The following ANKRD45 variants were observed in gnomAD, a reference collection of about 807,000 sequenced individuals.
The protein encoded by ANKRD45 is ankyrin repeat domain 45.
In ANKRD45, 21 loss-of-function variants were observed where a neutral mutation model predicts 28.1. The observed-to-expected ratio is 0.75, with a 90% confidence interval of 0.53 to 1.08. The LOEUF is 1.08. ANKRD45 is among the 50% of genes least tolerant of loss of function. The pLI, the probability that ANKRD45 is intolerant of heterozygous loss-of-function variation, is 0.00. For synonymous variants in ANKRD45, 86 were observed against 103.9 expected (o/e 0.83, Z 1.05); for missense variants, 261 against 308.7 (o/e 0.85, Z 1.16).
chr1:173,690,914 G>T, the ANKRD45 span, among the ~76,000 whole-genome samples: 2 of 152,044 alleles, frequency 1.3e-5, no homozygotes, highest in Non-Finnish European at 2.9e-5. Flanking sequence ...TTTGGGGTGG[G>T]GCTCAATTTC....
chr1:173,689,064 T>G, the ANKRD45 span, among the ~76,000 whole-genome samples: 1 of 152,164 alleles, frequency 6.6e-6, no homozygotes, highest in Non-Finnish European at 1.5e-5. Context: ...CTGCTGGGAC[T>G]CAATATAAAA....
At chr1:173,693,747 G>T in the ANKRD45 span, among the ~76,000 whole-genome samples, 1 of 152,176 alleles carries the variant, frequency 6.6e-6, no homozygotes, top group Non-Finnish European at 1.5e-5. Context: ...AAGAGGTTAA[G>T]TGCACCCAGT....
chr1:173,714,721 G>A, the ANKRD45 span, among the ~76,000 whole-genome samples: 1 of 152,226 alleles, frequency 6.6e-6, no homozygotes, highest in Non-Finnish European at 1.5e-5. Flanking sequence ...AAGAAAAGAG[G>A]AGGCTTCAGT....
chr1:173,691,490 T>C, the ANKRD45 span, among the ~76,000 whole-genome samples: 1 of 152,206 alleles, frequency 6.6e-6, no homozygotes, highest in African/African-American at 2.4e-5. Context: ...CAAGGCCAGG[T>C]ACTTCTGTAG....
intron 2 of ANKRD45, among the ~76,000 whole-genome samples, chr1:173,655,703 C>T (rs1291764774): frequency 6.6e-6 from 1 of 152,198 alleles, no homozygotes; most frequent in Admixed American, 6.5e-5. Context: ...TGCCCTGACC[C>T]CAGAGGTGGA....
intron 3 of ANKRD45, among the ~76,000 whole-genome samples, chr1:173,633,941 C>T (rs1404869929): frequency 6.6e-6 from 1 of 151,748 alleles, no homozygotes; most frequent in African/African-American, 2.4e-5. Context: ...AAGATTTTTT[C>T]AGTAATACCC....
chr1:173,618,110 A>G (rs1406186147), intron 5 of ANKRD45, among the ~76,000 whole-genome samples: 2 of 152,312 alleles, frequency 1.3e-5, no homozygotes, highest in East Asian at 3.9e-4. Flanking sequence ...CAGCAGCATC[A>G]ACAAAAAAGG....
intron 3 of ANKRD45, among the ~76,000 whole-genome samples, chr1:173,633,043 G>A (rs1668264886): frequency 6.6e-6 from 1 of 151,870 alleles, no homozygotes; most frequent in African/African-American, 2.4e-5. Flanking sequence ...TTGGAAAGGA[G>A]GAAGTAAAAT....
Position 173,659,170 on chromosome 1 carries a change from T to G in ANKRD45, c.249A>C (p.Ala83=). 1 of 1,614,186 alleles carries G rather than the reference T, an allele frequency of 6.2e-7. No homozygotes were observed. The highest frequency in any genetic ancestry group is 8.5e-7 in the Non-Finnish European group (1 of 1,180,014). The change falls in exon 2 of 6, where the codon GCA becomes GCC. Residue 83 remains alanine, a synonymous_variant. Coordinates refer to ENST00000333279, the MANE Select transcript of ANKRD45 (RefSeq NM_198493.3). ...EDIVGRNLLY[A]ACMAGQSDVI... ...CGTCACTTTGCCCAGCCATGCAAGCTGCATACAACAAATTTCTCCCAACGA... is the reference window on the plus strand; with the variant it reads ...CGTCACTTTGCCCAGCCATGCAAGCGGCATACAACAAATTTCTCCCAACGA...
At chr1:173,683,104 AAAC>A in the ANKRD45 span, among the ~76,000 whole-genome samples, 1 of 151,038 alleles carries the variant, frequency 6.6e-6, no homozygotes, top group African/African-American at 2.4e-5. Flanking sequence ...AAAAAGACCA[AAAC>A]AACAAAAACA....
At chr1:173,693,892 T>C in the ANKRD45 span, among the ~76,000 whole-genome samples, 1 of 152,204 alleles carries the variant, frequency 6.6e-6, no homozygotes, top group Non-Finnish European at 1.5e-5. Flanking sequence ...TAACTTTTAT[T>C]TTTAATACCA....
chr1:173,616,975 A>T (rs971801955), intron 5 of ANKRD45, among the ~76,000 whole-genome samples: 1 of 152,140 alleles, frequency 6.6e-6, no homozygotes, highest in African/African-American at 2.4e-5. Context: ...TGATTGTGCG[A>T]CCACTCACAA....
chr1:173,680,984 G>A, the ANKRD45 span, among the ~76,000 whole-genome samples: 1 of 147,178 alleles, frequency 6.8e-6, no homozygotes, highest in South Asian at 2.2e-4. Context: ...GGGAGGCGGG[G>A]TGGGGGAGAT....
At chr1:173,650,548 G>A (rs1235573019) in intron 2 of ANKRD45, among the ~76,000 whole-genome samples, 1 of 152,168 alleles carries the variant, frequency 6.6e-6, no homozygotes, top group Non-Finnish European at 1.5e-5. Flanking sequence ...TGTGAATAGT[G>A]CCGCAATAAA....
intron 5 of ANKRD45, among the ~76,000 whole-genome samples, chr1:173,619,410 C>T (rs1667605746): frequency 6.6e-6 from 1 of 151,918 alleles, no homozygotes; most frequent in Admixed American, 6.6e-5. Flanking sequence ...TGTGCAAAGA[C>T]ACACATAGGC....
chr1:173,687,757 C>T, the ANKRD45 span, among the ~76,000 whole-genome samples: 3 of 152,160 alleles, frequency 2.0e-5, no homozygotes, highest in African/African-American at 7.2e-5. Context: ...TTTGAGCAGA[C>T]CAATTATTAG....
chr1:173,631,011 C>T (rs2102333089), intron 3 of ANKRD45, among the ~76,000 whole-genome samples: 1 of 151,822 alleles, frequency 6.6e-6, no homozygotes, highest in East Asian at 1.9e-4. Flanking sequence ...CTAAACTCTC[C>T]AATCAAAAGA....
intron 1 of ANKRD45, among the ~76,000 whole-genome samples, chr1:173,665,382 G>C (rs1669963006): frequency 6.6e-6 from 1 of 152,032 alleles, no homozygotes; most frequent in African/African-American, 2.4e-5. Context: ...CCTATGCAAG[G>C]TATGAATAAA....
the ANKRD45 span, among the ~76,000 whole-genome samples, chr1:173,712,208 C>A: frequency 6.6e-6 from 1 of 152,164 alleles, no homozygotes; most frequent in Non-Finnish European, 1.5e-5. Flanking sequence ...TTATACCCAA[C>A]CAATTGGCAA....
Sources: allele counts gnomAD v4.1 joint callset (sites outside exome capture counted in the v4.1 genomes callset), GRCh38; gene constraint gnomAD v4.1.1; transcripts MANE v1.5; gene names NCBI Gene and HGNC (gene_info 2026-07-23, HGNC 2026-07-21).